ALDH1L2: variants seen among roughly 807,000 people sequenced by gnomAD.
ALDH1L2 encodes the protein aldehyde dehydrogenase 1 family member L2.
ALDH1L2 carries 91 observed loss-of-function variants against 111.0 expected under a neutral mutation model. The observed-to-expected ratio is 0.82, with a 90% CI of 0.69 to 0.98. The LOEUF (loss-of-function observed/expected upper bound fraction) is 0.98, where lower values mean the gene tolerates loss of function less well. Ranked by LOEUF, ALDH1L2 falls within the 50% of genes least tolerant of loss-of-function variation. The probability of loss-of-function intolerance (pLI) is 0.00; values close to 1 mark genes in which losing one functional copy is unlikely to be tolerated. For missense variants in ALDH1L2, 995 were observed against 1,126.8 expected (o/e 0.88, Z 1.67); for synonymous variants, 374 against 392.6 (o/e 0.95, Z 0.56).
At chr12:105,060,805 C>T in intron 9 of ALDH1L2, 176 bp downstream of exon 9, 1 of 296,258 alleles carries the variant, frequency 3.4e-6, no homozygotes, top group Non-Finnish European at 5.5e-6. Context: ...GCCTGGGCAA[C>T]AAGAGTGAAA....
At chr12:105,058,484 T>C (rs77296180) in intron 9 of ALDH1L2, among the ~76,000 whole-genome samples, 170 of 152,346 alleles carry the variant, frequency 1.1e-3, no homozygotes, top group Non-Finnish European at 1.2e-3. Context: ...AATATTTTAA[T>C]TACTTATAAG....
chr12:105,046,853 A>G (rs1056077213), intron 14 of ALDH1L2, 38 bp from the exon 15 acceptor site: 13 of 1,612,594 alleles, frequency 8.1e-6, no homozygotes, highest in Middle Eastern at 1.6e-4. Flanking sequence ...AGTTGTTTCA[A>G]ATAACACAAC....
chr12:105,074,220 G>A, intron 1 of ALDH1L2: 1 of 460,978 alleles, frequency 2.2e-6, no homozygotes, highest in Admixed American at 3.7e-5. Flanking sequence ...CACTTTGGGA[G>A]GCCGAGGTGG....
At chr12:105,035,805 C>A (rs1874951761) in intron 18 of ALDH1L2, among the ~76,000 whole-genome samples, 1 of 146,900 alleles carries the variant, frequency 6.8e-6, no homozygotes, top group East Asian at 2.0e-4. Context: ...GGAAACCTCC[C>A]TGGACTATAT....
chr12:105,077,756 A>T (rs1053748662), intron 1 of ALDH1L2, among the ~76,000 whole-genome samples: 1 of 151,938 alleles, frequency 6.6e-6, no homozygotes, highest in Non-Finnish European at 1.5e-5. Context: ...AAAAAAAAAA[A>T]AAGGTACACA....
intron 21 of ALDH1L2, 48 bp from the exon 22 acceptor site, chr12:105,026,792 ACT>A: frequency 6.3e-7 from 1 of 1,598,564 alleles, no homozygotes; most frequent in African/African-American, 1.3e-5. Context: ...AAAGCAAAAG[ACT>A]CATTTTATGT....
chr12:105,038,096 C>G lies in ALDH1L2; in HGVS notation c.2145+7G>C, dbSNP rs755174355. On this transcript the variant is annotated splice_region_variant and intron_variant, in intron 18 of 22. Coordinates refer to ENST00000258494, the MANE Select transcript of ALDH1L2 (RefSeq NM_001034173.4). Reference sequence around the variant, plus strand: ...CACCTATTTACTTAAATTTGACCCTCTCTTACCATTCGCACAGCCTTGTCA... The same window carrying G: ...CACCTATTTACTTAAATTTGACCCTGTCTTACCATTCGCACAGCCTTGTCA... 3.1e-6 allele frequency: 5 copies of G among 1,612,170 alleles called. No homozygotes were observed. The highest frequency in any genetic ancestry group is 1.7e-6 in the Non-Finnish European group (2 of 1,178,564).
intron 2 of ALDH1L2, 111 bp from the exon 3 acceptor site, chr12:105,070,915 T>A: frequency 1.1e-6 from 1 of 924,840 alleles, no homozygotes. Context: ...AAATAAAACA[T>A]GGTGAAGAAC....
chr12:105,064,164 G>GTTTTTTTTTT (rs1877205655), intron 6 of ALDH1L2, among the ~76,000 whole-genome samples: 5 of 84,884 alleles, frequency 5.9e-5, no homozygotes, highest in East Asian at 4.0e-4. Context: ...TGTATTTTTA[G>GTTTTTTTTTT]TAGAGACAGG....
At chr12:105,058,706 A>G (rs1418933758) in intron 9 of ALDH1L2, among the ~76,000 whole-genome samples, 2 of 152,232 alleles carry the variant, frequency 1.3e-5, no homozygotes, top group Non-Finnish European at 2.9e-5. Context: ...GTAGGTCAGT[A>G]TAACTTTTGA....
At chr12:105,083,783 A>G (rs889361597) in intron 1 of ALDH1L2, among the ~76,000 whole-genome samples, 2 of 152,288 alleles carry the variant, frequency 1.3e-5, no homozygotes, top group Admixed American at 6.5e-5. Context: ...CTTGTGCTAC[A>G]GTAGAATAGT....
At chr12:105,046,238 T>A (rs1251530755) in intron 15 of ALDH1L2, among the ~76,000 whole-genome samples, 5 of 125,908 alleles carry the variant, frequency 4.0e-5, no homozygotes, top group African/African-American at 1.5e-4. Context: ...TTTTTTTTTT[T>A]TTTTTTTTTT....
At chr12:105,065,722 T>TG (rs34483160) in intron 5 of ALDH1L2, among the ~76,000 whole-genome samples, 28,704 of 151,146 alleles carry the variant, frequency 0.19, 2,921 homozygotes, top group African/African-American at 0.25. Context: ...TTTTTTTTTT[T>TG]GTCTAGTTTG....
intron 10 of ALDH1L2, among the ~76,000 whole-genome samples, chr12:105,057,016 A>T (rs1052012752): frequency 6.6e-6 from 1 of 151,542 alleles, no homozygotes; most frequent in East Asian, 1.9e-4. Context: ...CTTACATCTG[A>T]TAAGGATCTA....
At chr12:105,030,915 T>C (rs1010295087) in intron 20 of ALDH1L2, among the ~76,000 whole-genome samples, 3 of 152,222 alleles carry the variant, frequency 2.0e-5, no homozygotes, top group Admixed American at 6.5e-5. Flanking sequence ...TGATTTAGGA[T>C]TCAAATTCTT....
chr12:105,034,252 A>G, intron 19 of ALDH1L2, 48 bp downstream of exon 19: 1 of 1,576,372 alleles, frequency 6.3e-7, no homozygotes. Context: ...TTTTTCAAGT[A>G]AAAGCAAAAT....
intron 6 of ALDH1L2, among the ~76,000 whole-genome samples, chr12:105,064,032 C>G (rs1426493309): frequency 7.1e-6 from 1 of 141,554 alleles, no homozygotes; most frequent in Non-Finnish European, 1.5e-5. Flanking sequence ...CTCGCTGCAA[C>G]CTCTGCCTCC....
intron 6 of ALDH1L2, among the ~76,000 whole-genome samples, chr12:105,063,424 C>T (rs1021158758): frequency 2.0e-5 from 3 of 151,096 alleles, no homozygotes; most frequent in Admixed American, 6.6e-5. Flanking sequence ...TGCAGTGAGC[C>T]GAGATTGTGC....
At position 105,046,211 on chromosome 12, in the gene ALDH1L2, ATATATATATATT is replaced by A. The variant is rs1377745619; in HGVS notation, c.1863+487_1863+498del. The stretch of plus-strand genomic sequence containing the variant: ...TCTCTCTCTATATATATATATATAT[ATATATATATATT>A]TTTTTTTTTTTTTTTTTTTTTTTTT... On this transcript the variant is annotated intron_variant, in intron 15 of 22. Transcript: ENST00000258494. 9.8e-4 allele frequency among the ~76,000 whole-genome samples: 50 copies of A among 50,844 alleles called. 1 individual carries two copies. The highest frequency in any genetic ancestry group is 0.012 in the Middle Eastern group (1 of 82). 33.4% of individuals were successfully genotyped at this position (50,844 alleles called of 152,430 possible).
Sources: gnomAD v4.1 joint callset for allele counts (sites outside exome capture counted in the v4.1 genomes callset) on GRCh38, gnomAD v4.1.1 for gene constraint, MANE v1.5 for transcripts, NCBI Gene and HGNC (gene_info 2026-07-23, HGNC 2026-07-21) for gene names.